Variants in RYK observed in about 807,000 individuals in gnomAD.
The protein encoded by RYK is receptor like tyrosine kinase.
Under a neutral mutation model 70.2 loss-of-function variants are expected in RYK, and 21 were observed. The ratio of observed to expected loss-of-function variants is 0.30; its 90% CI spans 0.21 to 0.43. RYK has a LOEUF of 0.43. Ranked by LOEUF, RYK falls within the 20% of genes least tolerant of loss-of-function variation. The pLI, the probability that RYK is intolerant of heterozygous loss-of-function variation, is 1.00. For synonymous variants in RYK, 267 were observed against 278.0 expected (o/e 0.96, Z 0.39); for missense variants, 604 against 753.3 (o/e 0.80, Z 2.32).
Position 134,191,833 on chromosome 3 carries a change from T to C in RYK, c.1015+16A>G. ...TTAAATCATACTTAAAAAACCGACTTTGAGATAATAAATACCTTCTTGGAG... is the reference window on the plus strand; with the variant it reads ...TTAAATCATACTTAAAAAACCGACTCTGAGATAATAAATACCTTCTTGGAG... On this transcript the variant is annotated intron_variant, in intron 8 of 14. Transcript: ENST00000623711. The C allele has an allele frequency of 6.3e-7, 1 of 1,588,742 alleles. No homozygotes were observed. The highest frequency in any genetic ancestry group is 8.5e-7 in the Non-Finnish European group (1 of 1,169,944).
intron 1 of RYK, among the ~76,000 whole-genome samples, chr3:134,235,120 T>C (rs1241857304): frequency 2.0e-5 from 3 of 152,090 alleles, no homozygotes; most frequent in Non-Finnish European, 4.4e-5. Flanking sequence ...CACCGGGCAA[T>C]GGTAAGAAGG....
chr3:134,236,601 C>T (rs987733166), intron 1 of RYK, among the ~76,000 whole-genome samples: 1 of 152,104 alleles, frequency 6.6e-6, no homozygotes, highest in Non-Finnish European at 1.5e-5. Context: ...AAATTGTGAG[C>T]AGGCCAAAAT....
intron 6 of RYK, among the ~76,000 whole-genome samples, chr3:134,199,424 T>C (rs957198675): frequency 6.6e-6 from 1 of 152,236 alleles, no homozygotes; most frequent in Admixed American, 6.5e-5. Context: ...ATGACAATAG[T>C]GGATTATTAA....
At chr3:134,211,289 G>C (rs1367089870) in intron 3 of RYK, among the ~76,000 whole-genome samples, 1 of 152,240 alleles carries the variant, frequency 6.6e-6, no homozygotes, top group Admixed American at 6.5e-5. Context: ...CAGAAAAAGA[G>C]ACAGGGAGGG....
intron 1 of RYK, among the ~76,000 whole-genome samples, chr3:134,243,988 G>C (rs1333112738): frequency 6.6e-6 from 1 of 152,082 alleles, no homozygotes; most frequent in Non-Finnish European, 1.5e-5. Context: ...AAAATTTTCT[G>C]GACTGATTTG....
intron 2 of RYK, among the ~76,000 whole-genome samples, chr3:134,216,771 C>T (rs556270732): frequency 1.2e-4 from 13 of 110,640 alleles, no homozygotes; most frequent in Non-Finnish European, 1.5e-4. Context: ...CCAGCCTGGG[C>T]GACAGAGTGA....
Position 134,202,670 on chromosome 3 carries a change from T to C in RYK, c.788+60A>G, listed in dbSNP as rs1009382315. 6.1e-6 allele frequency: 9 copies of C among 1,482,120 alleles called. No homozygotes were observed. The African/African-American group carries it at 1.1e-4, about 18-fold the overall frequency. 91.8% of individuals were successfully genotyped at this position (1,482,120 alleles called of 1,614,324 possible). ...CCACTGTGCATCGATGTGTATGGGC[T>C]CCCACATATATACAAATAACTGCTT... On this transcript the variant is annotated intron_variant, in intron 6 of 14. Coordinates refer to ENST00000623711, the MANE Select transcript of RYK (RefSeq NM_002958.4).
chr3:134,189,443 T>C (rs910018441), intron 8 of RYK, among the ~76,000 whole-genome samples: 2 of 152,026 alleles, frequency 1.3e-5, no homozygotes, highest in Non-Finnish European at 1.5e-5. Flanking sequence ...CTCGGTTCAC[T>C]GGTAAAATGT....
rs2013170815 is a variant in RYK, at chr3:134,178,151, A to G, written c.1173-78T>C. The G allele has an allele frequency of 4.0e-6, 4 of 995,596 alleles. No individual in the cohort carries two copies. In the African/African-American group the frequency reaches 5.1e-5, roughly 13 times the overall value. The allele number at this position is 995,596 out of a possible 1,614,324, so 61.7% of individuals were successfully genotyped here. On this transcript the variant is annotated intron_variant, in intron 10 of 14. Transcript: ENST00000623711. ...GGCTTACTTCTAATAAAAATAATCT[A>G]AAACAAAACAAAATCCCCAAAATAC... is the stretch of plus-strand genomic sequence containing the variant.
At chr3:134,225,872 C>CA (rs71304288) in intron 1 of RYK, among the ~76,000 whole-genome samples, 3,016 of 136,528 alleles carry the variant, frequency 0.022, 54 homozygotes, top group East Asian at 0.11. Context: ...ATAAAAAGAT[C>CA]AAAAAAAAAA....
intron 1 of RYK, among the ~76,000 whole-genome samples, chr3:134,240,246 T>C (rs964181798): frequency 2.6e-5 from 4 of 152,148 alleles, no homozygotes. Flanking sequence ...ATAATCTAAG[T>C]AGAGGATAAG....
At chr3:134,226,574 T>G (rs1206846068) in intron 1 of RYK, among the ~76,000 whole-genome samples, 2 of 152,124 alleles carry the variant, frequency 1.3e-5, no homozygotes, top group Admixed American at 1.3e-4. Flanking sequence ...ACATCCCTTA[T>G]GAACATAGAT....
At chr3:134,196,208 C>T (rs913719011) in intron 6 of RYK, among the ~76,000 whole-genome samples, 1 of 152,112 alleles carries the variant, frequency 6.6e-6, no homozygotes, top group African/African-American at 2.4e-5. Flanking sequence ...AACCTTGTCT[C>T]GTGGGTACAT....
intron 2 of RYK, among the ~76,000 whole-genome samples, 186 bp downstream of exon 2, chr3:134,222,232 A>G (rs1383982717): frequency 1.3e-5 from 2 of 152,254 alleles, no homozygotes; most frequent in East Asian, 3.8e-4. Context: ...TTCGTTTTAA[A>G]GGATTCAAGA....
intron 1 of RYK, among the ~76,000 whole-genome samples, chr3:134,227,176 A>G (rs1473636955): frequency 2.0e-5 from 3 of 152,204 alleles, no homozygotes; most frequent in South Asian, 4.1e-4. Context: ...AATCAATACT[A>G]TAACATTAAA....
At chr3:134,174,091 G>GT (rs556874596) in intron 13 of RYK, among the ~76,000 whole-genome samples, 37 of 152,294 alleles carry the variant, frequency 2.4e-4, no homozygotes, top group African/African-American at 8.9e-4. Context: ...TTTGAAAGAC[G>GT]TATGTGAAGA....
At chr3:134,228,344 T>C (rs1460351605) in intron 1 of RYK, among the ~76,000 whole-genome samples, 2 of 152,174 alleles carry the variant, frequency 1.3e-5, no homozygotes, top group East Asian at 1.9e-4. Context: ...CTACTGGGTA[T>C]ATATCCAAAG....
rs1039425447 is a variant in RYK, at chr3:134,163,989, TTTAA to T, written c.1576-4620_1576-4617del. 5.9e-5 allele frequency among the ~76,000 whole-genome samples: 9 copies of T among 152,310 alleles called. No homozygotes were observed. In the South Asian group the frequency reaches 1.7e-3, roughly 28 times the overall value. On this transcript the variant is annotated intron_variant, in intron 13 of 14. Transcript: ENST00000623711. ...CTGAAGCCTGGATCACATTATTTTA[TTTAA>T]TTAATTATTTATTTGCATTTTTAGC...
At chr3:134,211,934 C>T (rs979609792) in intron 2 of RYK, among the ~76,000 whole-genome samples, 3 of 152,190 alleles carry the variant, frequency 2.0e-5, no homozygotes, top group Admixed American at 1.3e-4. Flanking sequence ...AGAACCAAAG[C>T]GGTGAGATAT....
Sources: gnomAD v4.1 joint callset for allele counts (sites outside exome capture counted in the v4.1 genomes callset) on GRCh38, gnomAD v4.1.1 for gene constraint, MANE v1.5 for transcripts, NCBI Gene and HGNC (gene_info 2026-07-23, HGNC 2026-07-21) for gene names.